GSAP: variants seen among roughly 807,000 people sequenced by gnomAD.
GSAP encodes gamma-secretase activating protein, also known as gamma-secretase-activating protein.
Under a neutral mutation model 131.7 loss-of-function variants are expected in GSAP, and 118 were observed. That is an observed-to-expected ratio of 0.90 (90% CI 0.77 to 1.04). The LOEUF is 1.04. GSAP is among the 50% of genes least tolerant of loss of function. The probability of loss-of-function intolerance (pLI) is 0.00; values close to 1 mark genes in which losing one functional copy is unlikely to be tolerated. For missense variants in GSAP, 1,019 were observed against 1,013.2 expected (o/e 1.01, Z -0.08); for synonymous variants, 381 against 363.4 (o/e 1.05, Z -0.55).
chr7:77,318,343 A>C (rs1040403221), intron 26 of GSAP, among the ~76,000 whole-genome samples: 1 of 126,092 alleles, frequency 7.9e-6, no homozygotes, highest in African/African-American at 2.7e-5. Context: ...CTACCAGTTA[A>C]AATTTTATGA....
At chr7:77,360,458 C>G (rs1794363216) in intron 14 of GSAP, among the ~76,000 whole-genome samples, 1 of 152,134 alleles carries the variant, frequency 6.6e-6, no homozygotes, top group South Asian at 2.1e-4. Flanking sequence ...TCTCTATAAT[C>G]AAGGGATAAC....
chr7:77,373,071 A>G (rs918225288), intron 12 of GSAP, among the ~76,000 whole-genome samples: 1 of 152,194 alleles, frequency 6.6e-6, no homozygotes, highest in African/African-American at 2.4e-5. Context: ...ATGGGATGGA[A>G]TATCTTGGAG....
At chr7:77,312,018 A>C (rs1339373596) in intron 29 of GSAP, 78 bp from the exon 30 acceptor site, 2 of 1,176,404 alleles carry the variant, frequency 1.7e-6, no homozygotes, top group East Asian at 4.7e-5. Context: ...TAAGAACTGT[A>C]ATTGCTGTCC....
intron 6 of GSAP, among the ~76,000 whole-genome samples, chr7:77,383,536 G>A (rs1484725451): frequency 1.3e-5 from 2 of 152,150 alleles, no homozygotes; most frequent in African/African-American, 4.8e-5. Context: ...AGCACAGAAC[G>A]ACTGTCACCA....
At chr7:77,362,723 A>T in intron 12 of GSAP, 63 bp from the exon 13 acceptor site, 1 of 899,848 alleles carries the variant, frequency 1.1e-6, no homozygotes, top group Non-Finnish European at 1.8e-6. Flanking sequence ...AAGTTTCCTA[A>T]ACCACTTAAA....
At chr7:77,343,205 C>T (rs572673456) in intron 19 of GSAP, among the ~76,000 whole-genome samples, 67 of 152,258 alleles carry the variant, frequency 4.4e-4, no homozygotes, top group African/African-American at 1.5e-3. Flanking sequence ...CTTTTAGAGG[C>T]CCTCAAAATC....
chr7:77,330,765 G>C (rs1350616928), intron 19 of GSAP: 5 of 985,858 alleles, frequency 5.1e-6, no homozygotes, highest in African/African-American at 1.7e-5. Context: ...TGTTCACTAA[G>C]AGAAAGTTCA....
chr7:77,355,460 G>T (rs755489629), intron 15 of GSAP, 30 bp from the exon 16 acceptor site: 13 of 1,513,528 alleles, frequency 8.6e-6, no homozygotes, highest in African/African-American at 2.8e-5. Flanking sequence ...CAGTAGATCA[G>T]CAAATAGAAG....
chr7:77,381,339 C>A lies in GSAP; in HGVS notation c.542G>T (p.Arg181Leu), dbSNP rs766464521. 6.5e-7 allele frequency: 1 copy of A among 1,536,410 alleles called. No homozygotes were observed. The highest frequency in any genetic ancestry group is 8.9e-7 in the Non-Finnish European group (1 of 1,126,444). The change falls in exon 8 of 31, where the codon CGT becomes CTT. Residue 181 changes from arginine to leucine, a missense_variant. Transcript: ENST00000257626. ...ISEEKYIEQF[R>L]IHVAQEDGNR... The stretch of plus-strand genomic sequence containing the variant: ...TCCATCTTCTTGGGCGACATGGATA[C>A]GAAATTGTTCAATATCTTTAAAAGA...
intron 6 of GSAP, among the ~76,000 whole-genome samples, chr7:77,385,277 G>A (rs1240761811): frequency 6.6e-6 from 1 of 152,050 alleles, no homozygotes; most frequent in Non-Finnish European, 1.5e-5. Context: ...CAGGCAATCT[G>A]CCCTCCTTGG....
At chr7:77,388,260 AC>A (rs1405243201) in intron 5 of GSAP, among the ~76,000 whole-genome samples, 1 of 152,260 alleles carries the variant, frequency 6.6e-6, no homozygotes, top group African/African-American at 2.4e-5. Context: ...TTAAGTCTAA[AC>A]AAACACAGTG....
chr7:77,373,947 T>C, intron 12 of GSAP, 123 bp downstream of exon 12: 3 of 674,468 alleles, frequency 4.4e-6, no homozygotes, highest in South Asian at 3.3e-5. Context: ...ACAATCCATA[T>C]GATCACCGAC....
chr7:77,413,239 G>A (rs1803617070), intron 1 of GSAP, among the ~76,000 whole-genome samples: 1 of 152,304 alleles, frequency 6.6e-6, no homozygotes, highest in Middle Eastern at 3.4e-3. Flanking sequence ...GTGACCTTGG[G>A]TCCCTCAAAG....
intron 7 of GSAP, among the ~76,000 whole-genome samples, chr7:77,381,857 G>A (rs142583546): frequency 1.3e-5 from 2 of 151,900 alleles, no homozygotes; most frequent in African/African-American, 2.4e-5. Flanking sequence ...AATCTGTGTA[G>A]ATGGTCTCTT....
intron 23 of GSAP, 122 bp downstream of exon 23, chr7:77,326,090 G>A (rs781539515): frequency 1.4e-6 from 1 of 711,694 alleles, no homozygotes; most frequent in South Asian, 1.9e-5. Flanking sequence ...CCATAATGCT[G>A]GCAAAACATA....
intron 19 of GSAP, among the ~76,000 whole-genome samples, chr7:77,334,423 G>T (rs1584317831): frequency 6.6e-6 from 1 of 151,812 alleles, no homozygotes; most frequent in South Asian, 2.1e-4. Flanking sequence ...GGGCCTGTTG[G>T]GGGGTTGGGG....
At chr7:77,333,799 ATGT>A (rs1341284784) in intron 19 of GSAP, among the ~76,000 whole-genome samples, 1 of 152,116 alleles carries the variant, frequency 6.6e-6, no homozygotes, top group South Asian at 2.1e-4. Flanking sequence ...AACGTTTTAG[ATGT>A]TGTAACCCAG....
At chr7:77,340,401 C>T (rs924527704) in intron 19 of GSAP, among the ~76,000 whole-genome samples, 2 of 152,196 alleles carry the variant, frequency 1.3e-5, no homozygotes, top group African/African-American at 2.4e-5. Context: ...CAGGAGGACT[C>T]CTTCAGGAGA....
At position 77,311,337 on chromosome 7, in the gene GSAP, G is replaced by A; in HGVS notation, c.*21C>T. 7.2e-7 allele frequency: 1 copy of A among 1,389,476 alleles called. No homozygotes were observed. Among genetic ancestry groups the A allele is most frequent in the Non-Finnish European group, 1.0e-6 (1 of 975,528 alleles). The allele number at this position is 1,389,476 out of a possible 1,614,324, so 86.1% of individuals were successfully genotyped here. A position where few individuals can be genotyped will look rare whatever the true frequency, so the allele number is the denominator to read the frequency against. ...GAGCAAGATTAAAATGGCAGCAGCA[G>A]ATCCAATTGCGTTTTCTTTTTCATA... On this transcript the variant is annotated 3_prime_UTR_variant, in exon 31 of 31. Coordinates refer to ENST00000257626, the MANE Select transcript of GSAP (RefSeq NM_017439.4).
Sources: allele counts gnomAD v4.1 joint callset (sites outside exome capture counted in the v4.1 genomes callset), GRCh38; gene constraint gnomAD v4.1.1; transcripts MANE v1.5; gene names NCBI Gene and HGNC (gene_info 2026-07-23, HGNC 2026-07-21).